Variants in SSH2 observed in about 807,000 individuals in gnomAD.
The protein encoded by SSH2 is protein phosphatase Slingshot homolog 2.
Under a neutral mutation model 135.2 loss-of-function variants are expected in SSH2, and 37 were observed. The observed-to-expected ratio is 0.27, with a 90% CI of 0.21 to 0.36. SSH2 has a LOEUF of 0.36. SSH2 is among the 10% of genes least tolerant of loss of function. The pLI is 1.00. For synonymous variants in SSH2, 628 were observed against 646.2 expected, an observed-to-expected ratio of 0.97 and a Z score of 0.43; for missense variants, 1,408 against 1,765.3, an observed-to-expected ratio of 0.80 and a Z score of 3.63.
At chr17:29,725,260 T>C (rs972745173) in intron 3 of SSH2, among the ~76,000 whole-genome samples, 2 of 141,392 alleles carry the variant, frequency 1.4e-5, no homozygotes, top group African/African-American at 5.3e-5. Context: ...GGCAGGAGAA[T>C]TGCTTGAACC....
intron 2 of SSH2, among the ~76,000 whole-genome samples, chr17:29,820,864 C>T (rs374659311): frequency 6.6e-6 from 1 of 152,130 alleles, no homozygotes; most frequent in East Asian, 1.9e-4. Context: ...TTAAATTCAG[C>T]CCCTTGTCAC....
chr17:29,835,397 G>T (rs530669523), intron 2 of SSH2, among the ~76,000 whole-genome samples: 9 of 152,338 alleles, frequency 5.9e-5, no homozygotes, highest in African/African-American at 2.2e-4. Flanking sequence ...ATTCAAGGTT[G>T]TATTTCATTG....
chr17:29,677,926 G>A (rs910670557), intron 6 of SSH2, among the ~76,000 whole-genome samples, 185 bp from the exon 7 acceptor site: 3 of 151,610 alleles, frequency 2.0e-5, no homozygotes, highest in Non-Finnish European at 4.4e-5. Context: ...CTGTTTTAAA[G>A]AGATAGTCAG....
chr17:29,688,437 T>G (rs1038700533), intron 5 of SSH2, among the ~76,000 whole-genome samples: 7 of 152,222 alleles, frequency 4.6e-5, no homozygotes, highest in African/African-American at 1.4e-4. Context: ...TAATACTGAC[T>G]TAGGCTTGAA....
intron 1 of SSH2, among the ~76,000 whole-genome samples, chr17:29,918,923 C>T (rs963798739): frequency 1.3e-5 from 2 of 151,640 alleles, no homozygotes; most frequent in African/African-American, 2.4e-5. Flanking sequence ...AGCGACAGAA[C>T]GAGACCGTCT....
At chr17:29,800,614 T>A (rs545695652) in intron 2 of SSH2, among the ~76,000 whole-genome samples, 7 of 152,074 alleles carry the variant, frequency 4.6e-5, no homozygotes, top group Admixed American at 2.6e-4. Context: ...AACGAGAATA[T>A]CTAAATTAAA....
At chr17:29,715,146 C>T (rs944931752) in intron 3 of SSH2, among the ~76,000 whole-genome samples, 17 of 151,834 alleles carry the variant, frequency 1.1e-4, no homozygotes, top group Non-Finnish European at 2.2e-4. Context: ...GGATTACAGA[C>T]GTGAGCCACT....
At chr17:29,863,064 ATTGT>A (rs1263852903) in intron 1 of SSH2, among the ~76,000 whole-genome samples, 2 of 150,112 alleles carry the variant, frequency 1.3e-5, no homozygotes, top group African/African-American at 5.0e-5. Flanking sequence ...TTTAAAAAGG[ATTGT>A]TTTTTTTTTA....
At chr17:29,671,849 A>C in intron 9 of SSH2, 86 bp downstream of exon 9, 1 of 1,160,240 alleles carries the variant, frequency 8.6e-7, no homozygotes. Flanking sequence ...ACTCCCCAAG[A>C]GAAAAGATTA....
At chr17:29,666,396 A>G (rs2037277636) in intron 11 of SSH2, among the ~76,000 whole-genome samples, 1 of 151,362 alleles carries the variant, frequency 6.6e-6, no homozygotes, top group African/African-American at 2.4e-5. Flanking sequence ...AAAATTAAAA[A>G]TGAGGGCCAG....
At chr17:29,706,805 T>C (rs758122117) in intron 3 of SSH2, among the ~76,000 whole-genome samples, 1 of 152,202 alleles carries the variant, frequency 6.6e-6, no homozygotes, top group Non-Finnish European at 1.5e-5. Context: ...CAACTGAACA[T>C]ACTTCAGTCA....
chr17:29,849,009 T>A (rs2065497055), intron 1 of SSH2, 80 bp from the exon 2 acceptor site: 2 of 907,212 alleles, frequency 2.2e-6, no homozygotes, highest in Non-Finnish European at 3.4e-6. Flanking sequence ...CTGAAATCAC[T>A]GAGTCAGTGG....
chr17:29,732,031 G>A (rs777438896), intron 3 of SSH2, among the ~76,000 whole-genome samples: 5 of 152,030 alleles, frequency 3.3e-5, no homozygotes, highest in South Asian at 2.1e-4. Flanking sequence ...GTGATTTTAC[G>A]CTCACAAAAG....
chr17:29,811,223 T>C (rs889162195), intron 2 of SSH2, among the ~76,000 whole-genome samples: 1 of 152,118 alleles, frequency 6.6e-6, no homozygotes, highest in African/African-American at 2.4e-5. Flanking sequence ...GTTGAACTCC[T>C]GGCCTCAAGT....
At chr17:29,738,400 G>C (rs1047847882) in intron 3 of SSH2, among the ~76,000 whole-genome samples, 2 of 152,114 alleles carry the variant, frequency 1.3e-5, no homozygotes, top group African/African-American at 4.8e-5. Flanking sequence ...GTGTGCATGT[G>C]TCTTTACAGC....
At chr17:29,743,043 T>G (rs1015905333) in intron 3 of SSH2, among the ~76,000 whole-genome samples, 1 of 152,128 alleles carries the variant, frequency 6.6e-6, no homozygotes, top group Non-Finnish European at 1.5e-5. Flanking sequence ...GGGACTCTCA[T>G]GCGTCAGCCT....
At chr17:29,915,251 G>A (rs1014721079) in intron 1 of SSH2, among the ~76,000 whole-genome samples, 1 of 152,152 alleles carries the variant, frequency 6.6e-6, no homozygotes, top group Non-Finnish European at 1.5e-5. Flanking sequence ...TCATTCACAT[G>A]TTCTCCTATT....
intron 3 of SSH2, among the ~76,000 whole-genome samples, chr17:29,732,808 A>C (rs2040241995): frequency 6.6e-6 from 1 of 152,206 alleles, no homozygotes; most frequent in Non-Finnish European, 1.5e-5. Flanking sequence ...ACCAATGATC[A>C]ATTTTATTTC....
intron 5 of SSH2, among the ~76,000 whole-genome samples, chr17:29,688,021 T>A (rs577855220): frequency 1.3e-5 from 2 of 151,938 alleles, no homozygotes; most frequent in South Asian, 2.1e-4. Flanking sequence ...TTTTTTTTTT[T>A]ATTTTTCGAG....
Sources: gnomAD v4.1 joint callset for allele counts (sites outside exome capture counted in the v4.1 genomes callset) on GRCh38, gnomAD v4.1.1 for gene constraint, MANE v1.5 for transcripts, NCBI Gene and HGNC (gene_info 2026-07-23, HGNC 2026-07-21) for gene names.